The following FHL5 variants were observed in gnomAD, a reference collection of about 807,000 sequenced individuals.
FHL5 encodes four and a half LIM domains 5.
A neutral mutation model predicts 32.0 loss-of-function variants in FHL5; 33 were observed. The observed-to-expected ratio is 1.03, with a 90% confidence interval of 0.78 to 1.38. The LOEUF is 1.38. FHL5 is among the 40% of genes most tolerant of loss of function. FHL5 has a pLI of 0.00. For synonymous variants in FHL5, 114 were observed against 113.6 expected (o/e 1.00, Z -0.02); for missense variants, 336 against 343.9 (o/e 0.98, Z 0.18).
Position 96,616,127 on chromosome 6 carries a change from T to G in FHL5, c.*355T>G, listed in dbSNP as rs991822614. On this transcript the variant is annotated 3_prime_UTR_variant, in exon 6 of 6. Coordinates refer to ENST00000450218, the MANE Select transcript of FHL5 (RefSeq NM_001322466.2). ...CATACCTGAAGAGTAAAAGAAAAAC[T>G]AAGAGATCAAACTGAGAGGTATACA... is the stretch of plus-strand genomic sequence containing the variant. 3 of 158,034 alleles carry G rather than the reference T, an allele frequency of 1.9e-5. No homozygotes were observed. Among genetic ancestry groups the G allele is most frequent in the African/African-American group, 7.2e-5 (3 of 41,670 alleles). The allele number at this position is 158,034 out of a possible 1,614,324, so 9.8% of individuals were successfully genotyped here. A position where few individuals can be genotyped will look rare whatever the true frequency, so the allele number is the denominator to read the frequency against.
chr6:96,609,907 G>C (rs1325707697), intron 4 of FHL5, among the ~76,000 whole-genome samples: 1 of 152,174 alleles, frequency 6.6e-6, no homozygotes, highest in African/African-American at 2.4e-5. Flanking sequence ...TCTGTAGTAT[G>C]TAGAGGTGTT....
rs1294209092 is a variant in FHL5, at chr6:96,616,080, A to T, written c.*308A>T. On this transcript the variant is annotated 3_prime_UTR_variant, in exon 6 of 6. Coordinates refer to ENST00000450218, the MANE Select transcript of FHL5 (RefSeq NM_001322466.2). Reference sequence around the variant, plus strand: ...CATATACCTAGGAGCTGTGGATGTAATTACTGAAGAATGAGGTTTTTCATA... The same window carrying T: ...CATATACCTAGGAGCTGTGGATGTATTTACTGAAGAATGAGGTTTTTCATA... 2 of 173,218 alleles carry T rather than the reference A, an allele frequency of 1.2e-5. No individual in the cohort carries two copies. Among genetic ancestry groups the T allele is most frequent in the African/African-American group, 4.7e-5 (2 of 42,256 alleles). 10.7% of individuals were successfully genotyped at this position (173,218 alleles called of 1,614,324 possible).
chr6:96,615,606 C>G lies in FHL5; in HGVS notation c.692-3C>G. 1 of 1,596,404 alleles carries G rather than the reference C, an allele frequency of 6.3e-7. No individual in the cohort carries two copies. Among genetic ancestry groups the G allele is most frequent in the African/African-American group, 1.4e-5 (1 of 73,810 alleles). Reference sequence around the variant, plus strand: ...TTAATCTTTTTCTCCAATTCCTTTACAGGTCTCACAGGTGCCAAGTTTATC... The same window carrying G: ...TTAATCTTTTTCTCCAATTCCTTTAGAGGTCTCACAGGTGCCAAGTTTATC... On this transcript the variant is annotated splice_region_variant and splice_polypyrimidine_tract_variant and intron_variant, in intron 5 of 5. Coordinates refer to ENST00000450218, the MANE Select transcript of FHL5 (RefSeq NM_001322466.2).
intron 1 of FHL5, among the ~76,000 whole-genome samples, chr6:96,595,363 T>G (rs1261300918): frequency 1.3e-5 from 2 of 151,832 alleles, no homozygotes; most frequent in Non-Finnish European, 2.9e-5. Context: ...CATTTTTTTT[T>G]CTCTTTGAAT....
At chr6:96,577,916 T>C (rs375219857) in intron 1 of FHL5, among the ~76,000 whole-genome samples, 9 of 152,090 alleles carry the variant, frequency 5.9e-5, no homozygotes, top group African/African-American at 2.2e-4. Flanking sequence ...TGAGGCTTTT[T>C]TACTAGTTTG....
At chr6:96,597,889 AAG>A (rs929271594) in intron 1 of FHL5, among the ~76,000 whole-genome samples, 2 of 152,276 alleles carry the variant, frequency 1.3e-5, no homozygotes, top group African/African-American at 4.8e-5. Context: ...TTTATCAGCC[AAG>A]TGATCTTGGC....
At chr6:96,612,251 A>G (rs1323013277) in intron 5 of FHL5, among the ~76,000 whole-genome samples, 1 of 152,220 alleles carries the variant, frequency 6.6e-6, no homozygotes, top group Non-Finnish European at 1.5e-5. Flanking sequence ...GATTTTAGTT[A>G]GAAAATGGGA....
chr6:96,582,076 C>A (rs1009844958), intron 1 of FHL5, among the ~76,000 whole-genome samples: 2 of 152,120 alleles, frequency 1.3e-5, no homozygotes, highest in South Asian at 2.1e-4. Context: ...CTCAAACAAG[C>A]CTTTGAGGAG....
chr6:96,610,444 G>A (rs535310606), intron 4 of FHL5, 128 bp from the exon 5 acceptor site: 12 of 707,370 alleles, frequency 1.7e-5, no homozygotes, highest in Admixed American at 9.3e-5. Flanking sequence ...TAGAAGACAT[G>A]AAATGATCTT....
chr6:96,592,629 T>C (rs911968492), intron 1 of FHL5, among the ~76,000 whole-genome samples: 1 of 151,948 alleles, frequency 6.6e-6, no homozygotes, highest in Non-Finnish European at 1.5e-5. Flanking sequence ...AAGTGGTAAG[T>C]GTCCAAGAAA....
chr6:96,610,817 T>C (rs918079530), intron 5 of FHL5, 59 bp downstream of exon 5: 1 of 1,219,876 alleles, frequency 8.2e-7, no homozygotes, highest in Non-Finnish European at 1.2e-6. Flanking sequence ...TATGAAACAC[T>C]ATCTAGTTAA....
intron 1 of FHL5, among the ~76,000 whole-genome samples, chr6:96,585,891 A>G (rs1465535964): frequency 1.3e-5 from 2 of 152,216 alleles, no homozygotes; most frequent in Non-Finnish European, 2.9e-5. Context: ...GTAATAAGAC[A>G]CATATAAGTA....
chr6:96,591,806 G>A (rs1384352645), intron 1 of FHL5, among the ~76,000 whole-genome samples: 1 of 152,074 alleles, frequency 6.6e-6, no homozygotes, highest in East Asian at 1.9e-4. Context: ...GAAATAAAGG[G>A]ACAGAGAACA....
chr6:96,615,734 T>G lies in FHL5; in HGVS notation c.817T>G (p.Cys273Gly), dbSNP rs1186918843. 6.2e-7 allele frequency: 1 copy of G among 1,611,694 alleles called. No homozygotes were observed. The highest frequency in any genetic ancestry group is 1.3e-5 in the African/African-American group (1 of 74,872). Reference sequence around the variant, plus strand: ...CCTGACCCAGAACAAGGAAATCTTCTGCCAAAAATGTGGCTCCGGAATGGA... The same window carrying G: ...CCTGACCCAGAACAAGGAAATCTTCGGCCAAAAATGTGGCTCCGGAATGGA... ...GFLTQNKEIFCQKCGSGMDTD... is the reference protein window; with the variant it reads ...GFLTQNKEIFGQKCGSGMDTD... The change falls in exon 6 of 6, where the codon TGC (cysteine) becomes GGC (glycine). Residue 273 changes from cysteine to glycine, a missense_variant. Physicochemically the swap from Cys to Gly is radical, Grantham distance 159. Coordinates refer to ENST00000450218, the MANE Select transcript of FHL5 (RefSeq NM_001322466.2).
Position 96,604,819 on chromosome 6 carries a change from G to A in FHL5, c.229G>A (p.Val77Met). 6.2e-7 allele frequency: 1 copy of A among 1,614,026 alleles called. No homozygotes were observed. Among genetic ancestry groups the A allele is most frequent in the African/African-American group, 1.3e-5 (1 of 75,064 alleles). ...FKCTKCNHSL[V>M]EKPFAAKDER... ...GTGCACCAAATGCAATCACTCTTTG[G>A]TGGAAAAGCCTTTTGCTGCCAAGGA... Residue 77 changes from valine to methionine, a missense_variant, in exon 3 of 6, where the codon GTG becomes ATG. By Grantham distance (21) the Val-to-Met change is conservative. Transcript: ENST00000450218.
At chr6:96,566,919 T>A (rs1770370562) in intron 1 of FHL5, among the ~76,000 whole-genome samples, 1 of 152,046 alleles carries the variant, frequency 6.6e-6, no homozygotes, top group Admixed American at 6.6e-5. Context: ...TGCAAATACT[T>A]TCTCCTGTCC....
intron 1 of FHL5, among the ~76,000 whole-genome samples, chr6:96,578,517 C>T (rs994794331): frequency 3.3e-5 from 5 of 152,120 alleles, no homozygotes; most frequent in African/African-American, 1.2e-4. Flanking sequence ...TCATTGCAAA[C>T]TGGCAATCTA....
intron 1 of FHL5, among the ~76,000 whole-genome samples, chr6:96,582,760 T>C (rs1384700741): frequency 3.9e-5 from 6 of 152,180 alleles, no homozygotes; most frequent in Admixed American, 3.3e-4. Flanking sequence ...TTTTAGGTTA[T>C]TTTTGATTGA....
rs113113733 is a variant in FHL5, at chr6:96,583,482, C to T, written c.-12-20120C>T. Among the ~76,000 whole-genome samples, 422 of 152,176 alleles carry T rather than the reference C, an allele frequency of 2.8e-3. 1 individual carries two copies. The highest frequency in any genetic ancestry group is 9.4e-3 in the African/African-American group (390 of 41,522). ...CATAGATATCAATGGACAATGACTT[C>T]GCAGTCCTGTCACGATACGGTAGCC... On this transcript the variant is annotated intron_variant, in intron 1 of 5. Coordinates refer to ENST00000450218, the MANE Select transcript of FHL5 (RefSeq NM_001322466.2).
Sources: allele counts gnomAD v4.1 joint callset (sites outside exome capture counted in the v4.1 genomes callset), GRCh38; gene constraint gnomAD v4.1.1; transcripts MANE v1.5; gene names NCBI Gene and HGNC (gene_info 2026-07-23, HGNC 2026-07-21).